COL24A1: variants seen among roughly 807,000 people sequenced by gnomAD.
COL24A1 encodes collagen alpha-1(XXIV) chain.
In COL24A1, 224 loss-of-function variants were observed where a neutral mutation model predicts 253.9. That is an observed-to-expected ratio of 0.88 (90% CI 0.79 to 0.99). COL24A1 has a LOEUF of 0.99. COL24A1 is among the 50% of genes least tolerant of loss of function. COL24A1 has a pLI of 0.00. For synonymous variants in COL24A1, 685 were observed against 673.7 expected, an observed-to-expected ratio of 1.02 and a Z score of -0.26; for missense variants, 2,131 against 2,068.5, an observed-to-expected ratio of 1.03 and a Z score of -0.59.
intron 47 of COL24A1, among the ~76,000 whole-genome samples, chr1:85,801,714 C>T (rs1452402863): frequency 6.6e-6 from 1 of 152,228 alleles, no homozygotes; most frequent in Non-Finnish European, 1.5e-5. Flanking sequence ...TAACAGGACT[C>T]TGACTAAAGC....
chr1:86,080,480 T>G (rs1274408185), intron 7 of COL24A1, among the ~76,000 whole-genome samples: 1 of 152,146 alleles, frequency 6.6e-6, no homozygotes, highest in Non-Finnish European at 1.5e-5. Context: ...TGAGGATGGA[T>G]ATCCAATTTT....
chr1:86,061,544 C>G (rs1346006738), intron 8 of COL24A1, among the ~76,000 whole-genome samples: 1 of 152,038 alleles, frequency 6.6e-6, no homozygotes, highest in Non-Finnish European at 1.5e-5. Flanking sequence ...ATGTAGAGAT[C>G]TAGCTAACAC....
intron 24 of COL24A1, among the ~76,000 whole-genome samples, chr1:85,927,328 C>T (rs1410632189): frequency 6.6e-6 from 1 of 152,016 alleles, no homozygotes; most frequent in Non-Finnish European, 1.5e-5. Flanking sequence ...ACGGACGGCA[C>T]CTGGAAAATC....
At chr1:85,861,068 A>G (rs1448357759) in intron 37 of COL24A1, among the ~76,000 whole-genome samples, 1 of 152,222 alleles carries the variant, frequency 6.6e-6, no homozygotes, top group African/African-American at 2.4e-5. Flanking sequence ...AACATTTTGC[A>G]GAACCGCCAA....
chr1:85,922,940 A>G (rs1686701430), intron 24 of COL24A1, among the ~76,000 whole-genome samples: 1 of 152,228 alleles, frequency 6.6e-6, no homozygotes, highest in Admixed American at 6.5e-5. Flanking sequence ...ATGCAGAGAT[A>G]CACATAGGCT....
chr1:85,934,699 T>G (rs539643346), intron 24 of COL24A1, among the ~76,000 whole-genome samples: 3 of 152,300 alleles, frequency 2.0e-5, no homozygotes, highest in South Asian at 4.2e-4. Flanking sequence ...CTGCCTGTTT[T>G]GTAAATAGTT....
intron 25 of COL24A1, 25 bp from the exon 26 acceptor site, chr1:85,910,028 A>G: frequency 6.3e-7 from 1 of 1,587,650 alleles, no homozygotes; most frequent in South Asian, 1.1e-5. Flanking sequence ...AAGAAAAAAG[A>G]GTAACATAGA....
At chr1:86,113,837 CAAAAAAAAAA>C (rs36014881) in intron 4 of COL24A1, among the ~76,000 whole-genome samples, 1 of 72,404 alleles carries the variant, frequency 1.4e-5, no homozygotes, top group Non-Finnish European at 2.3e-5. Context: ...TCCTGTCTCA[CAAAAAAAAAA>C]AAAAAAAAAA....
intron 2 of COL24A1, among the ~76,000 whole-genome samples, chr1:86,143,745 C>T (rs572472919): frequency 6.6e-6 from 1 of 152,008 alleles, no homozygotes; most frequent in Non-Finnish European, 1.5e-5. Context: ...CTGCTTTTTG[C>T]TATATGTTTT....
In COL24A1 at chr1:86,126,229, AAG is replaced by A. The variant is rs753379043; in HGVS notation, c.122-17_122-16del. The A allele has an allele frequency of 9.9e-5, 154 of 1,556,874 alleles. 1 individual carries two copies. In the South Asian group the frequency reaches 1.4e-3, roughly 14 times the overall value. ...AATATCTATGCCTGGAAATTTAAAA[AAG>A]AGAGAGAGAAAGAATCTTAATTTTA... On this transcript the variant is annotated splice_polypyrimidine_tract_variant and intron_variant, in intron 2 of 59. Transcript: ENST00000370571.
At chr1:85,810,775 T>C (rs187497393) in intron 47 of COL24A1, among the ~76,000 whole-genome samples, 78 of 152,124 alleles carry the variant, frequency 5.1e-4, no homozygotes, top group Admixed American at 5.9e-4. Flanking sequence ...CCTTCTAGTC[T>C]CCTTAAAAGC....
At chr1:86,080,408 T>A (rs1306202737) in intron 7 of COL24A1, among the ~76,000 whole-genome samples, 1 of 152,160 alleles carries the variant, frequency 6.6e-6, no homozygotes, top group Non-Finnish European at 1.5e-5. Context: ...ATAATTTAAT[T>A]GTATAATTTA....
chr1:85,919,642 C>T (rs1175620620), intron 24 of COL24A1, among the ~76,000 whole-genome samples: 1 of 152,170 alleles, frequency 6.6e-6, no homozygotes, highest in Non-Finnish European at 1.5e-5. Context: ...GATTGCATCA[C>T]TGCACTCCAG....
chr1:85,868,771 G>A lies in COL24A1; in HGVS notation c.3192+11C>T. On this transcript the variant is annotated intron_variant, in intron 36 of 59. Transcript: ENST00000370571. Reference sequence around the variant, plus strand: ...ATCTATTTTATATATAATCTTAAAAGTATAATTTACCTTTAACCCATCTTT... The same window carrying A: ...ATCTATTTTATATATAATCTTAAAAATATAATTTACCTTTAACCCATCTTT... 6.5e-7 allele frequency: 1 copy of A among 1,526,766 alleles called. No individual in the cohort carries two copies. The highest frequency in any genetic ancestry group is 8.9e-7 in the Non-Finnish European group (1 of 1,123,956). The allele number at this position is 1,526,766 out of a possible 1,614,324, so 94.6% of individuals were successfully genotyped here.
At chr1:85,975,115 A>G (rs1341340064) in intron 20 of COL24A1, among the ~76,000 whole-genome samples, 1 of 152,178 alleles carries the variant, frequency 6.6e-6, no homozygotes, top group Admixed American at 6.5e-5. Context: ...AAAAAGACAG[A>G]AAATAACAAA....
intron 38 of COL24A1, 106 bp from the exon 39 acceptor site, chr1:85,847,878 G>A (rs1309963527): frequency 2.4e-5 from 15 of 618,148 alleles, no homozygotes; most frequent in Non-Finnish European, 4.0e-5. Context: ...CTGGTTAACA[G>A]TATTACAGAT....
chr1:85,857,073 T>C (rs780832068), intron 37 of COL24A1, among the ~76,000 whole-genome samples: 5 of 152,152 alleles, frequency 3.3e-5, no homozygotes, highest in Non-Finnish European at 5.9e-5. Context: ...ATATTTTCCT[T>C]TTTCTGAGTT....
intron 10 of COL24A1, among the ~76,000 whole-genome samples, chr1:86,051,314 T>G (rs1285845605): frequency 2.0e-5 from 3 of 152,086 alleles, no homozygotes; most frequent in Admixed American, 1.3e-4. Flanking sequence ...TGTAACATCA[T>G]TTGATAATTG....
At chr1:85,972,939 T>G (rs930615298) in intron 20 of COL24A1, among the ~76,000 whole-genome samples, 4 of 152,336 alleles carry the variant, frequency 2.6e-5, no homozygotes, top group African/African-American at 9.6e-5. Context: ...TGAAATTGTT[T>G]AGAGTCCTGA....
Sources: allele counts gnomAD v4.1 joint callset (sites outside exome capture counted in the v4.1 genomes callset), GRCh38; gene constraint gnomAD v4.1.1; transcripts MANE v1.5; gene names NCBI Gene and HGNC (gene_info 2026-07-23, HGNC 2026-07-21).